The following KCNT2 variants were observed in gnomAD, a reference collection of about 807,000 sequenced individuals.
The protein encoded by KCNT2 is potassium sodium-activated channel subfamily T member 2, also known as potassium channel subfamily T member 2.
A neutral mutation model predicts 153.8 loss-of-function variants in KCNT2; 67 were observed. That is an observed-to-expected ratio of 0.44 (90% CI 0.36 to 0.53). The LOEUF (loss-of-function observed/expected upper bound fraction) is 0.53. KCNT2 is among the 20% of genes least tolerant of loss of function. The pLI, the probability that KCNT2 is intolerant of heterozygous loss-of-function variation, is 0.00. For synonymous variants in KCNT2, 500 were observed against 458.8 expected, an observed-to-expected ratio of 1.09 and a Z score of -1.15; for missense variants, 975 against 1,354.8, an observed-to-expected ratio of 0.72 and a Z score of 4.40.
intron 3 of KCNT2, among the ~76,000 whole-genome samples, chr1:196,486,939 C>T (rs977232146): frequency 2.6e-5 from 4 of 151,808 alleles, no homozygotes; most frequent in African/African-American, 4.8e-5. Context: ...AAAGACTTTT[C>T]GGTATTTGAA....
At chr1:196,542,383 T>C (rs1171376018) in intron 1 of KCNT2, among the ~76,000 whole-genome samples, 1 of 151,938 alleles carries the variant, frequency 6.6e-6, no homozygotes, top group African/African-American at 2.4e-5. Context: ...AACGTCAGAG[T>C]GTATTAATTT....
intron 19 of KCNT2, among the ~76,000 whole-genome samples, chr1:196,320,951 T>TC (rs1462995379): frequency 1.3e-5 from 2 of 151,670 alleles, no homozygotes; most frequent in Non-Finnish European, 2.9e-5. Context: ...ACACTGGTAT[T>TC]CACATCTTCC....
chr1:196,390,070 C>T (rs1053937292), intron 13 of KCNT2, among the ~76,000 whole-genome samples: 2 of 151,416 alleles, frequency 1.3e-5, no homozygotes, highest in African/African-American at 4.8e-5. Context: ...ATTTCTGGTG[C>T]TCTTTTTTCT....
chr1:196,418,728 T>C (rs1672951037), intron 12 of KCNT2, among the ~76,000 whole-genome samples: 1 of 152,104 alleles, frequency 6.6e-6, no homozygotes, highest in African/African-American at 2.4e-5. Flanking sequence ...CCCTAATGGC[T>C]TCATTTTAAC....
intron 10 of KCNT2, among the ~76,000 whole-genome samples, chr1:196,427,182 G>T (rs1001287307): frequency 1.3e-5 from 2 of 151,788 alleles, no homozygotes; most frequent in Non-Finnish European, 2.9e-5. Context: ...TATTAAAAAT[G>T]CAAGTTAACA....
At chr1:196,576,966 A>G (rs1200705258) in intron 1 of KCNT2, among the ~76,000 whole-genome samples, 1 of 152,316 alleles carries the variant, frequency 6.6e-6, no homozygotes, top group East Asian at 1.9e-4. Flanking sequence ...CCATATTTGC[A>G]TAAACAATTC....
intron 26 of KCNT2, among the ~76,000 whole-genome samples, chr1:196,241,188 G>GT (rs749956355): frequency 2.6e-5 from 4 of 151,686 alleles, no homozygotes; most frequent in African/African-American, 9.7e-5. Flanking sequence ...AGAGGGTTTT[G>GT]TTTTGTTTTT....
At chr1:196,405,468 G>T (rs1225285970) in intron 12 of KCNT2, among the ~76,000 whole-genome samples, 4 of 151,228 alleles carry the variant, frequency 2.6e-5, no homozygotes, top group African/African-American at 4.8e-5. Context: ...TATCTAAAAG[G>T]TATTTGTTGT....
chr1:196,515,782 T>C (rs181964823), intron 1 of KCNT2, among the ~76,000 whole-genome samples: 1 of 151,966 alleles, frequency 6.6e-6, no homozygotes, highest in East Asian at 1.9e-4. Context: ...CCAAGGAGAT[T>C]AGAGAAAAGC....
At position 196,510,475 on chromosome 1, in the gene KCNT2, T is replaced by C. The variant is rs572356653; in HGVS notation, c.96-18134A>G. The stretch of plus-strand genomic sequence containing the variant: ...AATTTACTTTATATTTGTTATTACA[T>C]ATTTTTTCTGATTATAACACACACT... On this transcript the variant is annotated intron_variant, in intron 1 of 27. Transcript: ENST00000294725. Among the ~76,000 whole-genome samples, 4 of 152,312 alleles carry C rather than the reference T, an allele frequency of 2.6e-5. No individual in the cohort carries two copies. In the South Asian group the frequency reaches 8.3e-4, roughly 32 times the overall value.
intron 1 of KCNT2, among the ~76,000 whole-genome samples, chr1:196,533,084 C>T (rs935165988): frequency 2.6e-5 from 4 of 151,996 alleles, no homozygotes; most frequent in African/African-American, 7.2e-5. Context: ...ATAATATAAA[C>T]GATGTATGAA....
chr1:196,395,366 T>A (rs1670845203), intron 13 of KCNT2, among the ~76,000 whole-genome samples: 1 of 151,592 alleles, frequency 6.6e-6, no homozygotes, highest in South Asian at 2.1e-4. Context: ...ATAAACTGTT[T>A]GTAAAACATT....
intron 12 of KCNT2, among the ~76,000 whole-genome samples, chr1:196,400,036 T>G (rs186861606): frequency 1.2e-4 from 18 of 151,888 alleles, no homozygotes; most frequent in Admixed American, 4.6e-4. Context: ...GATAGTAACT[T>G]TAAGTTACAA....
intron 7 of KCNT2, among the ~76,000 whole-genome samples, chr1:196,467,462 A>C (rs1416150802): frequency 1.3e-5 from 2 of 152,124 alleles, no homozygotes; most frequent in African/African-American, 4.8e-5. Context: ...TTAAAAAAAC[A>C]TTTAAATGAA....
intron 3 of KCNT2, among the ~76,000 whole-genome samples, chr1:196,483,041 A>G (rs893732126): frequency 6.6e-6 from 1 of 152,164 alleles, no homozygotes; most frequent in Non-Finnish European, 1.5e-5. Context: ...ATCATTTAGT[A>G]CACAGTTGAT....
Position 196,235,308 on chromosome 1 carries a change from AAGTCTT to A in KCNT2, c.3296+672_3296+677del, listed in dbSNP as rs542869786. ...CTATCTACCCTTCAGAGTCTAGTTT[AAGTCTT>A]ACATTCTTTATAATTTCTCCAACTA... On this transcript the variant is annotated intron_variant, in intron 27 of 27. Transcript: ENST00000294725. Among the ~76,000 whole-genome samples, 39 of 151,518 alleles carry A rather than the reference AAGTCTT, an allele frequency of 2.6e-4. No individual in the cohort carries two copies. In the South Asian group the frequency reaches 7.9e-3, roughly 31 times the overall value.
At chr1:196,596,056 GTATATATATATATA>G (rs1174131733) in intron 1 of KCNT2, among the ~76,000 whole-genome samples, 160 of 4,354 alleles carry the variant, frequency 0.037, 7 homozygotes, top group African/African-American at 0.042. Flanking sequence ...TCCATGATGT[GTATATATATATATA>G]TATATATATA....
intron 12 of KCNT2, among the ~76,000 whole-genome samples, chr1:196,417,356 TCTAA>T (rs536569573): frequency 7.9e-5 from 12 of 152,102 alleles, no homozygotes; most frequent in African/African-American, 2.4e-4. Context: ...CAAGACATAT[TCTAA>T]CTCACACTTA....
chr1:196,321,525 A>T (rs1663312012), intron 19 of KCNT2, among the ~76,000 whole-genome samples: 1 of 152,014 alleles, frequency 6.6e-6, no homozygotes, highest in Admixed American at 6.6e-5. Context: ...TTTCAGTCAC[A>T]TGCAATTCTA....
Sources: gnomAD v4.1 joint callset for allele counts (sites outside exome capture counted in the v4.1 genomes callset) on GRCh38, gnomAD v4.1.1 for gene constraint, MANE v1.5 for transcripts, NCBI Gene and HGNC (gene_info 2026-07-23, HGNC 2026-07-21) for gene names.